The following KCNK2 variants were observed in gnomAD, a reference collection of about 807,000 sequenced individuals.
KCNK2 encodes the protein potassium channel subfamily K member 2.
KCNK2 carries 21 observed loss-of-function variants against 40.5 expected under a neutral mutation model. The observed-to-expected ratio is 0.52, with a 90% confidence interval of 0.37 to 0.75. The LOEUF is 0.75. Ranked by LOEUF, KCNK2 falls within the 30% of genes least tolerant of loss-of-function variation. The pLI is 0.00. For synonymous variants in KCNK2, 191 were observed against 202.2 expected (o/e 0.94, Z 0.47); for missense variants, 399 against 531.6 (o/e 0.75, Z 2.45).
chr1:215,046,751 A>G (rs1446360360), intron 1 of KCNK2, among the ~76,000 whole-genome samples: 1 of 152,164 alleles, frequency 6.6e-6, no homozygotes, highest in African/African-American at 2.4e-5. Context: ...AAATTACATC[A>G]AAAGATATAT....
intron 3 of KCNK2, among the ~76,000 whole-genome samples, chr1:215,125,239 A>G (rs1260144664): frequency 6.6e-6 from 1 of 151,966 alleles, no homozygotes; most frequent in African/African-American, 2.4e-5. Flanking sequence ...TATACATTAT[A>G]TTTTGCCCGT....
chr1:215,135,658 A>G (rs1357104039), intron 3 of KCNK2, among the ~76,000 whole-genome samples: 1 of 152,028 alleles, frequency 6.6e-6, no homozygotes, highest in African/African-American at 2.4e-5. Flanking sequence ...ACTGTGTCAC[A>G]CTTGACTATT....
chr1:215,020,694 G>A (rs1302197267), intron 1 of KCNK2, among the ~76,000 whole-genome samples: 1 of 152,168 alleles, frequency 6.6e-6, no homozygotes, highest in Non-Finnish European at 1.5e-5. Context: ...TCAGTGTTAG[G>A]ATTATAGGAG....
chr1:215,151,819 T>G (rs992060856), intron 3 of KCNK2, among the ~76,000 whole-genome samples: 1 of 152,084 alleles, frequency 6.6e-6, no homozygotes, highest in Non-Finnish European at 1.5e-5. Context: ...GTAGGAATGT[T>G]GTAGTGTGGG....
chr1:215,164,298 A>G (rs1663342809), intron 3 of KCNK2, among the ~76,000 whole-genome samples: 1 of 149,984 alleles, frequency 6.7e-6, no homozygotes, highest in African/African-American at 2.5e-5. Context: ...TGTCTATTTG[A>G]TTCTTCTCTC....
At chr1:215,065,434 T>C (rs1658507105) in intron 1 of KCNK2, among the ~76,000 whole-genome samples, 1 of 152,086 alleles carries the variant, frequency 6.6e-6, no homozygotes, top group Non-Finnish European at 1.5e-5. Flanking sequence ...GAAGTGAAGT[T>C]AAGCATCAAA....
At chr1:215,165,573 A>G (rs1663405495) in intron 3 of KCNK2, among the ~76,000 whole-genome samples, 1 of 152,184 alleles carries the variant, frequency 6.6e-6, no homozygotes, top group African/African-American at 2.4e-5. Flanking sequence ...TTATTATCAT[A>G]CCTAACATAT....
chr1:215,099,211 A>T (rs1015754795), intron 2 of KCNK2, among the ~76,000 whole-genome samples: 1 of 151,744 alleles, frequency 6.6e-6, no homozygotes, highest in African/African-American at 2.4e-5. Flanking sequence ...ATTCCTTTCC[A>T]TATGACCATG....
intron 2 of KCNK2, among the ~76,000 whole-genome samples, chr1:215,116,343 T>C (rs1660940105): frequency 6.6e-6 from 1 of 152,056 alleles, no homozygotes; most frequent in Non-Finnish European, 1.5e-5. Context: ...TTCTTTAGTA[T>C]TATTTTTCCA....
At chr1:215,171,886 T>C (rs1663723814) in intron 4 of KCNK2, 111 bp from the exon 5 acceptor site, 5 of 699,800 alleles carry the variant, frequency 7.1e-6, no homozygotes, top group African/African-American at 1.8e-5. Context: ...GTTAACTTTG[T>C]GGGTATACAA....
At chr1:215,188,601 A>T (rs1224998001) in intron 5 of KCNK2, among the ~76,000 whole-genome samples, 2 of 151,970 alleles carry the variant, frequency 1.3e-5, no homozygotes, top group African/African-American at 4.8e-5. Context: ...TTCTCCCCTA[A>T]CCCCCAAGCA....
At chr1:215,063,561 A>G (rs1000175710) in intron 1 of KCNK2, among the ~76,000 whole-genome samples, 1 of 152,228 alleles carries the variant, frequency 6.6e-6, no homozygotes, top group Admixed American at 6.5e-5. Flanking sequence ...CTGTGCTAAC[A>G]GTAATAATAC....
chr1:215,175,136 C>T (rs914975895), intron 5 of KCNK2, among the ~76,000 whole-genome samples: 3 of 152,026 alleles, frequency 2.0e-5, no homozygotes, highest in South Asian at 2.1e-4. Flanking sequence ...TTTTGAGATA[C>T]GTCCCATCAA....
chr1:215,054,614 G>A (rs1658095114), intron 1 of KCNK2, among the ~76,000 whole-genome samples: 1 of 152,206 alleles, frequency 6.6e-6, no homozygotes, highest in Non-Finnish European at 1.5e-5. Flanking sequence ...TTACTGTGCA[G>A]AGGGAAAAGT....
intron 3 of KCNK2, among the ~76,000 whole-genome samples, chr1:215,128,259 C>T (rs1661522048): frequency 6.6e-6 from 1 of 152,022 alleles, no homozygotes; most frequent in Non-Finnish European, 1.5e-5. Flanking sequence ...ATCGGGAGCT[C>T]ATGTGGAAAA....
At chr1:215,159,027 C>T (rs1663072541) in intron 3 of KCNK2, among the ~76,000 whole-genome samples, 1 of 152,178 alleles carries the variant, frequency 6.6e-6, no homozygotes, top group Non-Finnish European at 1.5e-5. Flanking sequence ...GTCAGTTGAA[C>T]ATTTCCTGAC....
intron 3 of KCNK2, among the ~76,000 whole-genome samples, chr1:215,159,751 C>A (rs1438413072): frequency 6.6e-6 from 1 of 152,052 alleles, no homozygotes; most frequent in Admixed American, 6.5e-5. Context: ...CTACAAATAA[C>A]TTATTAATTG....
upstream of KCNK2, chr1:215,081,666 A>G (rs1659158887): frequency 6.6e-6 from 1 of 152,122 alleles, no homozygotes; most frequent in Non-Finnish European, 1.5e-5. Context: ...GCCGAGCAGC[A>G]GTTATGGAAG....
intron 4 of KCNK2, among the ~76,000 whole-genome samples, chr1:215,170,100 A>G (rs1050304570): frequency 6.6e-6 from 1 of 152,170 alleles, no homozygotes; most frequent in African/African-American, 2.4e-5. Context: ...TAACTTTAAC[A>G]TAAGTAGTAA....
Sources: gnomAD v4.1 joint callset for allele counts (sites outside exome capture counted in the v4.1 genomes callset) on GRCh38, gnomAD v4.1.1 for gene constraint, MANE v1.5 for transcripts, NCBI Gene and HGNC (gene_info 2026-07-23, HGNC 2026-07-21) for gene names.